Variants in ZNF423 observed in about 807,000 individuals in gnomAD.
ZNF423 encodes zinc finger protein 423, also known as Ebf-associated zinc finger protein.
ZNF423 carries 12 observed loss-of-function variants against 95.8 expected under a neutral mutation model. That is an observed-to-expected ratio of 0.13 (90% CI 0.08 to 0.20). The LOEUF is 0.20. ZNF423 is among the 10% of genes least tolerant of loss of function. The probability of loss-of-function intolerance (pLI) is 1.00; values close to 1 mark genes in which losing one functional copy is unlikely to be tolerated. For missense variants in ZNF423, 1,316 were observed against 1,737.1 expected (o/e 0.76, Z 4.31); for synonymous variants, 749 against 711.9 (o/e 1.05, Z -0.83).
At chr16:49,507,995 T>G (rs1286251004) in intron 7 of ZNF423, among the ~76,000 whole-genome samples, 1 of 151,990 alleles carries the variant, frequency 6.6e-6, no homozygotes, top group Non-Finnish European at 1.5e-5. Flanking sequence ...AGCCATTTAG[T>G]GTGGTGGTGA....
At chr16:49,748,261 A>G (rs1223905191) in intron 2 of ZNF423, among the ~76,000 whole-genome samples, 1 of 152,226 alleles carries the variant, frequency 6.6e-6, no homozygotes, top group Non-Finnish European at 1.5e-5. Flanking sequence ...ATCATTCCAT[A>G]AAGCAGACCT....
intron 3 of ZNF423, among the ~76,000 whole-genome samples, chr16:49,642,259 C>A (rs1299559444): frequency 6.6e-6 from 1 of 152,084 alleles, no homozygotes; most frequent in Admixed American, 6.6e-5. Context: ...GAGGAACTGG[C>A]CCCCAGTACC....
upstream of ZNF423, chr16:49,856,193 C>A (rs1316022504): frequency 1.6e-5 from 2 of 127,920 alleles, no homozygotes; most frequent in African/African-American, 5.7e-5. Context: ...GCCCCTGCGG[C>A]CCCCTCCTTC....
At chr16:49,771,246 A>G (rs2034030310) in intron 2 of ZNF423, among the ~76,000 whole-genome samples, 1 of 122,438 alleles carries the variant, frequency 8.2e-6, no homozygotes. Flanking sequence ...TCTGTCACCC[A>G]GGCTGGAGTG....
intron 3 of ZNF423, among the ~76,000 whole-genome samples, chr16:49,661,952 C>G (rs1308953126): frequency 1.3e-5 from 2 of 152,166 alleles, no homozygotes; most frequent in African/African-American, 4.8e-5. Context: ...GATCAGATAC[C>G]GCAGGTTAAG....
At chr16:49,524,726 C>T (rs557806705) in intron 6 of ZNF423, among the ~76,000 whole-genome samples, 2 of 152,316 alleles carry the variant, frequency 1.3e-5, no homozygotes, top group South Asian at 2.1e-4. Context: ...GGCTTCCTGC[C>T]GTGGCAGACA....
intron 3 of ZNF423, among the ~76,000 whole-genome samples, chr16:49,657,145 C>T (rs1038840813): frequency 3.3e-5 from 5 of 152,262 alleles, no homozygotes; most frequent in Non-Finnish European, 7.3e-5. Flanking sequence ...CTGGACACCT[C>T]TCAGGGTGAC....
intron 7 of ZNF423, 35 bp downstream of exon 7, chr16:49,523,589 T>A (rs377445280): frequency 1.3e-6 from 2 of 1,576,718 alleles, no homozygotes; most frequent in Non-Finnish European, 1.7e-6. Context: ...CCGAGGACCA[T>A]CAGGCGGCGT....
At chr16:49,683,981 G>A (rs2031468666) in intron 3 of ZNF423, among the ~76,000 whole-genome samples, 3 of 152,182 alleles carry the variant, frequency 2.0e-5, no homozygotes, top group South Asian at 4.1e-4. Context: ...TGAGGCAGGA[G>A]GATTGCTTGA....
intron 7 of ZNF423, among the ~76,000 whole-genome samples, chr16:49,497,594 G>A (rs13335255): frequency 0.44 from 67,418 of 151,946 alleles, 15,849 homozygotes; most frequent in African/African-American, 0.61. Context: ...TCACCTCACT[G>A]TGATTTCCGG....
intron 2 of ZNF423, among the ~76,000 whole-genome samples, chr16:49,782,782 GAGA>G (rs1204707556): frequency 6.6e-6 from 1 of 152,046 alleles, no homozygotes; most frequent in Non-Finnish European, 1.5e-5. Flanking sequence ...GGAGAGGTGG[GAGA>G]TTCCAATGAG....
At chr16:49,759,121 T>C (rs1263643002) in intron 2 of ZNF423, among the ~76,000 whole-genome samples, 2 of 152,076 alleles carry the variant, frequency 1.3e-5, no homozygotes. Flanking sequence ...TGGCTGGGCA[T>C]GGTGGCTGTG....
At chr16:49,714,738 T>C (rs534422042) in intron 3 of ZNF423, among the ~76,000 whole-genome samples, 6 of 151,110 alleles carry the variant, frequency 4.0e-5, no homozygotes, top group Admixed American at 2.0e-4. Context: ...CTAAGCAACA[T>C]AGTGAAACCC....
intron 5 of ZNF423, among the ~76,000 whole-genome samples, chr16:49,615,772 C>T (rs976991784): frequency 6.6e-6 from 1 of 152,180 alleles, no homozygotes; most frequent in Non-Finnish European, 1.5e-5. Flanking sequence ...GGGCCTCTGT[C>T]GCCATGACCT....
chr16:49,658,870 G>A (rs1032878248), intron 3 of ZNF423, among the ~76,000 whole-genome samples: 12 of 152,198 alleles, frequency 7.9e-5, no homozygotes, highest in African/African-American at 2.9e-4. Context: ...CCAGCACCCT[G>A]CCTGTCCCTG....
At chr16:49,514,234 A>G (rs1597030118) in intron 7 of ZNF423, among the ~76,000 whole-genome samples, 1 of 142,142 alleles carries the variant, frequency 7.0e-6, no homozygotes, top group African/African-American at 2.8e-5. Context: ...ATGCGTACAC[A>G]CACACGCACA....
intron 3 of ZNF423, among the ~76,000 whole-genome samples, chr16:49,705,211 G>T (rs1286414493): frequency 6.6e-6 from 1 of 152,184 alleles, no homozygotes; most frequent in African/African-American, 2.4e-5. Context: ...ACAGAGTCAA[G>T]GCCCCAGCCC....
Position 49,491,698 on chromosome 16 carries a change from C to T in ZNF423, c.3850-394G>A, listed in dbSNP as rs567294376. On this transcript the variant is annotated intron_variant, in intron 7 of 7. Transcript: ENST00000563137. ...TTCCTCTAATGAAGAGGAGGAAACT[C>T]TGATCGCCTGCAGGCTGCCCTCGCA... Among the ~76,000 whole-genome samples the T allele has an allele frequency of 3.3e-5, 5 of 152,304 alleles. No individual in the cohort carries two copies. In the South Asian group the frequency reaches 8.3e-4, roughly 25 times the overall value.
At position 49,725,456 on chromosome 16, in the gene ZNF423, A is replaced by C. The variant is rs2032984928; in HGVS notation, c.301+5315T>G. Among the ~76,000 whole-genome samples, 2 of 152,340 alleles carry C rather than the reference A, an allele frequency of 1.3e-5. 1 individual carries two copies. Among genetic ancestry groups the C allele is most frequent in the South Asian group, 4.1e-4 (2 of 4,822 alleles). ...ACCAAAGGTGATTGTTATAAAGACT[A>C]GGTGAGATGATTCATTCATTCAACA... On this transcript the variant is annotated intron_variant, in intron 3 of 7. Coordinates refer to ENST00000563137, the MANE Select transcript of ZNF423 (RefSeq NM_001379286.1).
Sources: allele counts gnomAD v4.1 joint callset (sites outside exome capture counted in the v4.1 genomes callset), GRCh38; gene constraint gnomAD v4.1.1; transcripts MANE v1.5; gene names NCBI Gene and HGNC (gene_info 2026-07-23, HGNC 2026-07-21).